The following LRCH1 variants were observed in gnomAD, a reference collection of about 807,000 sequenced individuals.
LRCH1 encodes leucine-rich repeat and calponin homology domain-containing protein 1.
In LRCH1, 23 loss-of-function variants were observed where a neutral mutation model predicts 94.9. The observed-to-expected ratio is 0.24, with a 90% CI of 0.17 to 0.34. The LOEUF (loss-of-function observed/expected upper bound fraction) is 0.34, where lower values mean the gene tolerates loss of function less well. Among genes scored for constraint, LRCH1 ranks in the 10% least tolerant of loss-of-function variants. LRCH1 has a pLI of 1.00. For missense variants in LRCH1, 790 were observed against 945.9 expected (o/e 0.84, Z 2.16); for synonymous variants, 364 against 354.9 (o/e 1.03, Z -0.29).
At chr13:46,745,316 G>A (rs1212748489), downstream of LRCH1, among the ~76,000 whole-genome samples, 1 of 151,766 alleles carries the variant, frequency 6.6e-6, no homozygotes, top group Non-Finnish European at 1.5e-5. Flanking sequence ...TGATCTAGTA[G>A]GTCCTTAGAC....
Position 46,732,879 on chromosome 13 carries a change from C to T in LRCH1, c.2008-1042C>T, listed in dbSNP as rs763853305. Among the ~76,000 whole-genome samples, 7 of 152,192 alleles carry T rather than the reference C, an allele frequency of 4.6e-5. No homozygotes were observed. The East Asian group carries it at 1.2e-3, about 25-fold the overall frequency. The stretch of plus-strand genomic sequence containing the variant: ...GCTGGCGACATCTCTTTAGGGCCCA[C>T]GTGAGGGACGTGACTTCCTCCCTAA... On this transcript the variant is annotated intron_variant, in intron 18 of 19. Coordinates refer to ENST00000389797, the MANE Select transcript of LRCH1 (RefSeq NM_001164211.2).
rs1873821563 is a variant in LRCH1 at position 46,744,470 on chromosome 13, A to G, written c.*2622A>G. 2 of 985,216 alleles carry G rather than the reference A, an allele frequency of 2.0e-6. No homozygotes were observed. Among genetic ancestry groups the G allele is most frequent in the African/African-American group, 1.7e-5 (1 of 57,180 alleles). 61.0% of individuals were successfully genotyped at this position (985,216 alleles called of 1,614,324 possible). On this transcript the variant is annotated 3_prime_UTR_variant, in exon 20 of 20. Transcript: ENST00000389797. ...CACCTAATTTCTAATCATCTTTCCT[A>G]TTTATGGATTTCTGGTTTGTTATTT...
At chr13:46,710,441 T>C (rs1395963481) in intron 13 of LRCH1, among the ~76,000 whole-genome samples, 6 of 152,322 alleles carry the variant, frequency 3.9e-5, no homozygotes, top group African/African-American at 9.6e-5. Flanking sequence ...AAACATACTT[T>C]AGGTGACTGT....
chr13:46,685,133 A>T (rs541771108), intron 4 of LRCH1, among the ~76,000 whole-genome samples: 2 of 152,298 alleles, frequency 1.3e-5, no homozygotes, highest in African/African-American at 4.8e-5. Context: ...CCTCACACAG[A>T]GATCTCAGTG....
intron 3 of LRCH1, among the ~76,000 whole-genome samples, chr13:46,676,768 T>C (rs2051679250): frequency 6.6e-6 from 1 of 152,114 alleles, no homozygotes; most frequent in African/African-American, 2.4e-5. Context: ...ACAGTATTTA[T>C]ATTGTTTTTC....
chr13:46,568,973 T>A (rs2050213924), intron 1 of LRCH1, among the ~76,000 whole-genome samples: 1 of 152,216 alleles, frequency 6.6e-6, no homozygotes, highest in Non-Finnish European at 1.5e-5. Flanking sequence ...TGACAAGCTG[T>A]TTTAAAACAC....
rs187547152 is a variant in LRCH1, at chr13:46,618,022, G to A, written c.308-32179G>A. On this transcript the variant is annotated intron_variant, in intron 1 of 19. Coordinates refer to ENST00000389797, the MANE Select transcript of LRCH1 (RefSeq NM_001164211.2). ...CCTTAGTGTCTTCTACAAGCTATAC[G>A]GTCATGCATCACTTAACGACAGGGA... Among the ~76,000 whole-genome samples the A allele has an allele frequency of 4.3e-3, 659 of 152,136 alleles. 3 individuals are homozygous for A. Among genetic ancestry groups the A allele is most frequent in the South Asian group, 0.02 (94 of 4,814 alleles).
At chr13:46,620,389 GTTC>G (rs1282020698) in intron 1 of LRCH1, among the ~76,000 whole-genome samples, 3 of 151,344 alleles carry the variant, frequency 2.0e-5, no homozygotes, top group African/African-American at 7.3e-5. Context: ...ATATAATTTT[GTTC>G]TTCTTGTTTT....
At position 46,687,500 on chromosome 13, in the gene LRCH1, G is replaced by A. The variant is rs139791848; in HGVS notation, c.823-352G>A. 2.2e-4 allele frequency among the ~76,000 whole-genome samples: 34 copies of A among 152,208 alleles called. No individual in the cohort carries two copies. In the East Asian group the frequency reaches 6.0e-3, roughly 27 times the overall value. On this transcript the variant is annotated intron_variant, in intron 5 of 19. Transcript: ENST00000389797. The stretch of plus-strand genomic sequence containing the variant: ...GCTCTGAATTGCTTTCTATCAGCTC[G>A]AAAATAATTGTGCTTTTCTCATCTT...
chr13:46,573,866 A>ATATATATATATATATATATATTTT lies in LRCH1; in HGVS notation c.307+20164_307+20165insATATATATATATATATATATTTTT. On this transcript the variant is annotated intron_variant, in intron 1 of 19. Transcript: ENST00000389797. The stretch of plus-strand genomic sequence containing the variant: ...GTCAAATATATATATATATATATAT[A>ATATATATATATATATATATATTTT]TTTTTTTTTTTTTTGAGATGGAGTC... Among the ~76,000 whole-genome samples the ATATATATATATATATATATATTTT allele has an allele frequency of 4.4e-3, 276 of 63,170 alleles. 5 individuals are homozygous for ATATATATATATATATATATATTTT. The highest frequency in any genetic ancestry group is 6.1e-3 in the Non-Finnish European group (193 of 31,448). 41.4% of individuals were successfully genotyped at this position (63,170 alleles called of 152,430 possible).
intron 2 of LRCH1, among the ~76,000 whole-genome samples, chr13:46,661,869 A>G (rs1219132333): frequency 6.6e-6 from 1 of 152,224 alleles, no homozygotes; most frequent in Non-Finnish European, 1.5e-5. Context: ...CACCTAAGTC[A>G]GTATCAGTAT....
chr13:46,730,348 T>C (rs1873038642), intron 18 of LRCH1, among the ~76,000 whole-genome samples: 1 of 152,162 alleles, frequency 6.6e-6, no homozygotes, highest in Admixed American at 6.5e-5. Flanking sequence ...AGTGTTTATA[T>C]GGCAAGTTTT....
intron 11 of LRCH1, 61 bp downstream of exon 11, chr13:46,701,268 A>G: frequency 8.3e-7 from 1 of 1,211,694 alleles, no homozygotes; most frequent in Admixed American, 1.8e-5. Flanking sequence ...TGTATGGAGT[A>G]CATTGTCTAA....
chr13:46,584,687 C>T (rs2050410960), intron 1 of LRCH1, among the ~76,000 whole-genome samples: 1 of 152,176 alleles, frequency 6.6e-6, no homozygotes, highest in Non-Finnish European at 1.5e-5. Context: ...GCTTTTGTCC[C>T]TTAAGGTTTT....
chr13:46,681,505 G>A (rs537665974), intron 3 of LRCH1, among the ~76,000 whole-genome samples: 2 of 152,218 alleles, frequency 1.3e-5, no homozygotes, highest in Non-Finnish European at 2.9e-5. Context: ...TGGTGAAGCA[G>A]CTGGCGAATG....
chr13:46,692,380 T>G (rs1566229756), intron 7 of LRCH1, among the ~76,000 whole-genome samples, 156 bp from the exon 8 acceptor site: 1 of 152,250 alleles, frequency 6.6e-6, no homozygotes, highest in Admixed American at 6.5e-5. Flanking sequence ...TTGCATTTTT[T>G]GAACTTACAT....
intron 1 of LRCH1, among the ~76,000 whole-genome samples, chr13:46,599,575 T>A (rs1405186556): frequency 1.3e-5 from 2 of 152,206 alleles, no homozygotes; most frequent in Non-Finnish European, 2.9e-5. Flanking sequence ...TGAAGAACTA[T>A]TACAATGTCA....
chr13:46,652,395 G>GTTTTT (rs57803401), intron 2 of LRCH1, among the ~76,000 whole-genome samples: 1 of 146,604 alleles, frequency 6.8e-6, no homozygotes, highest in South Asian at 2.1e-4. Context: ...TGTTTTTTTT[G>GTTTTT]TTTTTTTTTT....
At chr13:46,578,306 T>A (rs772695539) in intron 1 of LRCH1, among the ~76,000 whole-genome samples, 3 of 152,224 alleles carry the variant, frequency 2.0e-5, no homozygotes, top group African/African-American at 4.8e-5. Flanking sequence ...CTTAGAAGCT[T>A]CCCATGCAGA....
Sources: gnomAD v4.1 joint callset for allele counts (sites outside exome capture counted in the v4.1 genomes callset) on GRCh38, gnomAD v4.1.1 for gene constraint, MANE v1.5 for transcripts, NCBI Gene and HGNC (gene_info 2026-07-23, HGNC 2026-07-21) for gene names.